ATP2C2: variants seen among roughly 807,000 people sequenced by gnomAD.
ATP2C2 encodes the protein ATPase secretory pathway Ca2+ transporting 2.
ATP2C2 carries 171 observed loss-of-function variants against 110.8 expected under a neutral mutation model. The observed-to-expected ratio is 1.54, with a 90% CI of 1.36 to 1.75. ATP2C2 has a LOEUF of 1.75. ATP2C2 is among the 40% of genes most tolerant of loss of function. The pLI, the probability that ATP2C2 is intolerant of heterozygous loss-of-function variation, is 0.00. For synonymous variants in ATP2C2, 804 were observed against 508.4 expected (o/e 1.58, Z -7.82); for missense variants, 1,963 against 1,235.0 (o/e 1.59, Z -8.84).
intron 1 of ATP2C2, among the ~76,000 whole-genome samples, chr16:84,394,386 C>T (rs894097616): frequency 6.6e-6 from 1 of 152,056 alleles, no homozygotes. Context: ...TCCCAGTCTG[C>T]TTTCTGCTCC....
At chr16:84,439,029 T>G in intron 11 of ATP2C2, 137 bp from the exon 12 acceptor site, 1 of 1,314,816 alleles carries the variant, frequency 7.6e-7, no homozygotes. Flanking sequence ...CACCTTAGGA[T>G]TGGGAATGGA....
chr16:84,428,618 T>G (rs1238482700), intron 11 of ATP2C2, among the ~76,000 whole-genome samples: 1 of 152,128 alleles, frequency 6.6e-6, no homozygotes, highest in African/African-American at 2.4e-5. Context: ...ATAAAAATCC[T>G]AAAAGCAAAA....
chr16:84,383,222 C>T (rs1340615676), intron 1 of ATP2C2, among the ~76,000 whole-genome samples: 1 of 152,182 alleles, frequency 6.6e-6, no homozygotes, highest in East Asian at 1.9e-4. Context: ...TGAATCAGTG[C>T]CAGGGAGGCC....
At chr16:84,454,721 A>G in intron 20 of ATP2C2, 97 bp from the exon 21 acceptor site, 2 of 1,322,024 alleles carry the variant, frequency 1.5e-6, no homozygotes. Context: ...GGTGCCCTCC[A>G]GACAGAGGTG....
At chr16:84,399,037 C>T (rs942530464) in intron 2 of ATP2C2, among the ~76,000 whole-genome samples, 5 of 152,204 alleles carry the variant, frequency 3.3e-5, no homozygotes, top group African/African-American at 7.2e-5. Context: ...TTTTATAATC[C>T]GTGGAGTTGC....
chr16:84,418,672 A>G (rs1162651925), intron 7 of ATP2C2, among the ~76,000 whole-genome samples: 5 of 152,270 alleles, frequency 3.3e-5, no homozygotes, highest in African/African-American at 7.2e-5. Flanking sequence ...GGAGGGGGAC[A>G]TGACCCCGGG....
intron 1 of ATP2C2, among the ~76,000 whole-genome samples, chr16:84,379,652 T>C (rs1322231433): frequency 1.3e-5 from 2 of 152,196 alleles, no homozygotes; most frequent in Admixed American, 1.3e-4. Context: ...TGAGGCTCCC[T>C]GGAGTTTGAG....
Position 84,412,498 on chromosome 16 carries a change from G to A in ATP2C2, c.515+1733G>A, listed in dbSNP as rs558390786. 7.5e-4 allele frequency among the ~76,000 whole-genome samples: 98 copies of A among 130,672 alleles called. 4 individuals are homozygous for A. In the Admixed American group the frequency reaches 7.6e-3, roughly 10 times the overall value. The allele number at this position is 130,672 out of a possible 152,430, so 85.7% of individuals were successfully genotyped here. A position where few individuals can be genotyped will look rare whatever the true frequency, so the allele number is the denominator to read the frequency against. ...TGTGCATGTGTATGTGTGCATGTGT[G>A]TATATGTGTCTGTGTGTGTCTGTGT... On this transcript the variant is annotated intron_variant, in intron 6 of 26. Transcript: ENST00000262429.
chr16:84,389,422 G>T (rs1597744616), intron 1 of ATP2C2, among the ~76,000 whole-genome samples: 1 of 152,200 alleles, frequency 6.6e-6, no homozygotes, highest in African/African-American at 2.4e-5. Flanking sequence ...TCATGCCTCT[G>T]GTGTCGTCAG....
intron 11 of ATP2C2, 49 bp from the exon 12 acceptor site, chr16:84,439,117 C>G: frequency 1.2e-6 from 2 of 1,604,836 alleles, no homozygotes; most frequent in South Asian, 1.1e-5. Context: ...CTGAGAGTCA[C>G]ACACTCCTTA....
At chr16:84,441,747 C>T (rs371808171) in intron 14 of ATP2C2, among the ~76,000 whole-genome samples, 8 of 152,290 alleles carry the variant, frequency 5.3e-5, no homozygotes, top group South Asian at 4.1e-4. Flanking sequence ...GTGGTGAAAC[C>T]CCATCTCTAC....
chr16:84,445,528 C>A (rs1279812333), intron 15 of ATP2C2, among the ~76,000 whole-genome samples: 1 of 152,142 alleles, frequency 6.6e-6, no homozygotes, highest in East Asian at 1.9e-4. Context: ...TATATCCAGT[C>A]ATGTTGGCTT....
Position 84,454,995 on chromosome 16 carries a change from C to G in ATP2C2, c.2147+11C>G, listed in dbSNP as rs1268695637. 3 of 1,612,260 alleles carry G rather than the reference C, an allele frequency of 1.9e-6. No homozygotes were observed. Among genetic ancestry groups the G allele is most frequent in the Non-Finnish European group, 2.5e-6 (3 of 1,179,300 alleles). ...CTTCTCAGCCATCATGTAAGCTGCCCTTCTGGTTGTTTTTCAGTTGCAAAA... is the reference window on the plus strand; with the variant it reads ...CTTCTCAGCCATCATGTAAGCTGCCGTTCTGGTTGTTTTTCAGTTGCAAAA... On this transcript the variant is annotated intron_variant, in intron 21 of 26. Coordinates refer to ENST00000262429, the MANE Select transcript of ATP2C2 (RefSeq NM_014861.4).
chr16:84,425,776 CTGAG>C lies in ATP2C2; in HGVS notation c.963_966del (p.Ser322CysfsTer23). ...TGGCTGGTCGCAAGGGAAACAACTC[CTGAG>C]TATGTTCACGATCGGGGTCAGGTAA... is the stretch of plus-strand genomic sequence containing the variant. On this transcript the variant is annotated frameshift_variant, in exon 11 of 27. Coordinates refer to ENST00000262429, the MANE Select transcript of ATP2C2 (RefSeq NM_014861.4). LOFTEE classifies it high-confidence loss of function. 1.9e-6 allele frequency: 3 copies of C among 1,614,160 alleles called. No individual in the cohort carries two copies. Among genetic ancestry groups the C allele is most frequent in the Non-Finnish European group, 2.5e-6 (3 of 1,180,044 alleles).
chr16:84,455,344 C>G (rs1396678308), intron 21 of ATP2C2, among the ~76,000 whole-genome samples: 2 of 152,106 alleles, frequency 1.3e-5, no homozygotes, highest in Non-Finnish European at 2.9e-5. Flanking sequence ...AACCTGTGGC[C>G]AAATACGTGC....
At chr16:84,443,896 G>A (rs1326807704) in intron 15 of ATP2C2, among the ~76,000 whole-genome samples, 1 of 152,204 alleles carries the variant, frequency 6.6e-6, no homozygotes, top group Non-Finnish European at 1.5e-5. Flanking sequence ...ATTACAGGCT[G>A]AGTGCAGTGG....
intron 20 of ATP2C2, 67 bp from the exon 21 acceptor site, chr16:84,454,751 T>G (rs1597873451): frequency 6.8e-6 from 10 of 1,465,244 alleles, no homozygotes; most frequent in East Asian, 2.5e-5. Flanking sequence ...GGCCACAGGG[T>G]GTGCATGGCC....
intron 16 of ATP2C2, 111 bp from the exon 17 acceptor site, chr16:84,448,422 G>T: frequency 7.5e-7 from 1 of 1,330,200 alleles, no homozygotes; most frequent in Non-Finnish European, 1.0e-6. Context: ...AAATAACTCC[G>T]CTGCAAAGAT....
intron 6 of ATP2C2, among the ~76,000 whole-genome samples, chr16:84,412,420 A>C (rs112788405): frequency 2.6e-5 from 2 of 76,570 alleles, no homozygotes; most frequent in African/African-American, 9.9e-5. Flanking sequence ...GTGTCTGTGT[A>C]TGTGTGTGCG....
Sources: gnomAD v4.1 joint callset for allele counts (sites outside exome capture counted in the v4.1 genomes callset) on GRCh38, gnomAD v4.1.1 for gene constraint, MANE v1.5 for transcripts, NCBI Gene and HGNC (gene_info 2026-07-23, HGNC 2026-07-21) for gene names.